Variants in IL2RB observed in about 807,000 individuals in gnomAD.
The protein encoded by IL2RB is interleukin 2 receptor subunit beta.
A neutral mutation model predicts 44.2 loss-of-function variants in IL2RB; 17 were observed. The ratio of observed to expected loss-of-function variants is 0.38; its 90% CI spans 0.26 to 0.58. The LOEUF (loss-of-function observed/expected upper bound fraction) is 0.58, where lower values mean the gene tolerates loss of function less well. IL2RB is among the 20% of genes least tolerant of loss of function. The probability of loss-of-function intolerance (pLI) is 0.63; values close to 1 mark genes in which losing one functional copy is unlikely to be tolerated. For synonymous variants in IL2RB, 286 were observed against 297.9 expected, an observed-to-expected ratio of 0.96 and a Z score of 0.41; for missense variants, 624 against 685.5, an observed-to-expected ratio of 0.91 and a Z score of 1.00.
chr22:37,139,875 C>A (rs1195446062), intron 4 of IL2RB, among the ~76,000 whole-genome samples: 1 of 152,216 alleles, frequency 6.6e-6, no homozygotes, highest in Non-Finnish European at 1.5e-5. Context: ...GGGACCTGCG[C>A]CAGGTCATGC....
At chr22:37,145,903 C>T (rs990775014) in intron 1 of IL2RB, among the ~76,000 whole-genome samples, 10 of 152,168 alleles carry the variant, frequency 6.6e-5, no homozygotes, top group African/African-American at 2.2e-4. Context: ...CCTTCTCTCT[C>T]TTGAGCCTCT....
chr22:37,160,679 C>CAAAAAAAAAAA (rs10605445), intron 1 of IL2RB, among the ~76,000 whole-genome samples: 6 of 136,004 alleles, frequency 4.4e-5, no homozygotes, highest in African/African-American at 1.5e-4. Context: ...CTGTCTATGC[C>CAAAAAAAAAAA]AAAAAAAAAA....
In IL2RB at chr22:37,128,622, G is replaced by C. The variant is rs149497090; in HGVS notation, c.1130C>G (p.Ala377Gly). 1.7e-4 allele frequency: 278 copies of C among 1,614,096 alleles called. No individual in the cohort carries two copies. The highest frequency in any genetic ancestry group is 3.6e-4 in the South Asian group (33 of 91,084). Reference sequence around the variant, plus strand: ...GTCGTAAGTAAAGTACACCTGGCAGGCCTCTATCTCCAAGGCATCCGGGAG... The same window carrying C: ...GTCGTAAGTAAAGTACACCTGGCAGCCCTCTATCTCCAAGGCATCCGGGAG... ...FHLPDALEIE[A>G]CQVYFTYDPY... Residue 377 changes from alanine to glycine, a missense_variant, in exon 10 of 10, where the codon GCC becomes GGC. Ala to Gly is a moderately conservative substitution (Grantham distance 60). Around this residue, in one of 3 missense-constraint regions of IL2RB, gnomAD observed 291 missense variants for 275.5 expected, o/e 1.06. Transcript: ENST00000216223. This position sits in a 1 kb window ranked among gnomAD's most constrained non-coding sequence, Gnocchi z 4.5.
chr22:37,144,609 G>A (rs569494563), intron 1 of IL2RB, among the ~76,000 whole-genome samples: 41 of 152,298 alleles, frequency 2.7e-4, no homozygotes, highest in Admixed American at 1.2e-3. Flanking sequence ...GCCGGGCAAG[G>A]TGGTGGGTGC....
intron 1 of IL2RB, among the ~76,000 whole-genome samples, chr22:37,159,379 G>A (rs553701575): frequency 6.6e-6 from 1 of 152,198 alleles, no homozygotes; most frequent in East Asian, 1.9e-4. Context: ...TCTCACTCAA[G>A]AGTGACGATG....
intron 1 of IL2RB, 127 bp from the exon 2 acceptor site, chr22:37,144,332 G>A (rs1922125458): frequency 8.3e-7 from 1 of 1,209,902 alleles, no homozygotes; most frequent in African/African-American, 1.5e-5. Context: ...GCTCAGTCCA[G>A]CCCCAGGGCC....
intron 1 of IL2RB, among the ~76,000 whole-genome samples, chr22:37,170,083 A>T (rs2899281): frequency 0.095 from 11,808 of 123,904 alleles, 570 homozygotes; most frequent in Non-Finnish European, 0.11. Context: ...GGGAGAAGGA[A>T]GGAAGAATGG....
At chr22:37,149,990 TGGGGTGGAGAGGC>T (rs890035663), upstream of IL2RB, 6 of 867,624 alleles carry the variant, frequency 6.9e-6, no homozygotes, top group Non-Finnish European at 8.3e-6. Flanking sequence ...GGGCAAGGCC[TGGGGTGGAGAGGC>T]GGGGAGACGA....
At chr22:37,142,860 T>C in intron 3 of IL2RB, 1 of 398,212 alleles carries the variant, frequency 2.5e-6, no homozygotes, top group South Asian at 2.1e-5. Flanking sequence ...TTCAGAGCCG[T>C]GTGGAATCAC....
chr22:37,140,182 G>A lies in IL2RB; in HGVS notation c.283-960C>T, dbSNP rs554502154. ...CTATGGGCAAACCTTAAACCTGATC[G>A]TTGGAATTCCCCAAACTGGCCAGTT... is the stretch of plus-strand genomic sequence containing the variant. On this transcript the variant is annotated intron_variant, in intron 4 of 9. Transcript: ENST00000216223. 1.9e-3 allele frequency among the ~76,000 whole-genome samples: 291 copies of A among 152,146 alleles called. 2 individuals carry two copies. Among genetic ancestry groups the A allele is most frequent in the African/African-American group, 6.1e-3 (252 of 41,512 alleles).
rs770262548 is a variant in IL2RB at position 37,128,333 on chromosome 22, C to T, written c.1419G>A (p.Gly473=). The change falls in exon 10 of 10, where the codon GGG becomes GGA. Residue 473 remains glycine (G), a synonymous_variant. Transcript: ENST00000216223. The surrounding 1 kb of genome is among the most constrained non-coding windows in gnomAD (Gnocchi z 4.5). ...VPRDWDPQPL[G]PPTPGVPDLV... The stretch of plus-strand genomic sequence containing the variant: ...GGTCTGGGACTCCTGGGGTGGGAGG[C>T]CCCAGGGGCTGGGGGTCCCAGTCTC... 1 of 1,502,270 alleles carries T rather than the reference C, an allele frequency of 6.7e-7. No homozygotes were observed. Among genetic ancestry groups the T allele is most frequent in the Non-Finnish European group, 8.9e-7 (1 of 1,126,438 alleles). 93.1% of individuals were successfully genotyped at this position (1,502,270 alleles called of 1,614,324 possible). A position where few individuals can be genotyped will look rare whatever the true frequency, so the allele number is the denominator to read the frequency against.
Position 37,132,419 on chromosome 22 carries a change from A to T in IL2RB, c.868T>A (p.Ser290Thr). 6.2e-7 allele frequency: 1 copy of T among 1,613,970 alleles called. No individual in the cohort carries two copies. The highest frequency in any genetic ancestry group is 8.5e-7 in the Non-Finnish European group (1 of 1,179,932). ...CCTCCATGCTCTGAGCTCAGCTGGG[A>T]AAAGAACTTCGAGGGGTCTGGGGTG... ...CNTPDPSKFF[S>T]QLSSEHGGDV... Residue 290 changes from serine (S) to threonine (T), a missense_variant, in exon 9 of 10, where the codon TCC becomes ACC. Physicochemically the swap from Ser to Thr is moderately conservative, Grantham distance 58. Transcript: ENST00000216223.
intron 2 of IL2RB, 41 bp downstream of exon 2, chr22:37,144,044 C>T (rs1341806695): frequency 6.4e-7 from 1 of 1,551,384 alleles, no homozygotes; most frequent in South Asian, 1.2e-5. Flanking sequence ...AGCCATCTCT[C>T]CATAGGGAAA....
intron 1 of IL2RB, among the ~76,000 whole-genome samples, chr22:37,155,502 A>G (rs1055075269): frequency 6.6e-6 from 1 of 151,612 alleles, no homozygotes; most frequent in Non-Finnish European, 1.5e-5. Context: ...GTGCTTTCTC[A>G]CTCTGTCAGG....
chr22:37,136,256 C>T lies in IL2RB; in HGVS notation c.675G>A (p.Gln225=), dbSNP rs901417384. The T allele has an allele frequency of 3.7e-6, 6 of 1,612,082 alleles. No individual in the cohort carries two copies. In the East Asian group the frequency reaches 1.1e-4, roughly 30 times the overall value. The part of the protein sequence containing the change: ...GEFTTWSPWS[Q]PLAFRTKPAA... ...CAGGCTTTGTCCTGAAGGCCAGGGG[C>T]TGGCTCCAGGGGCTCCAGGTCGTGA... The change falls in exon 7 of 10, where the codon CAG becomes CAA. Residue 225 remains glutamine, a synonymous_variant. Coordinates refer to ENST00000216223, the MANE Select transcript of IL2RB (RefSeq NM_000878.5).
chr22:37,128,931 A>ACTC lies in IL2RB; in HGVS notation c.904-86_904-84dup. 2.1e-6 allele frequency: 3 copies of ACTC among 1,450,664 alleles called. No individual in the cohort carries two copies. Among genetic ancestry groups the ACTC allele is most frequent in the African/African-American group, 1.4e-5 (1 of 70,604 alleles). 89.9% of individuals were successfully genotyped at this position (1,450,664 alleles called of 1,614,324 possible). A position where few individuals can be genotyped will look rare whatever the true frequency, so the allele number is the denominator to read the frequency against. On this transcript the variant is annotated intron_variant, in intron 9 of 9. Transcript: ENST00000216223. The surrounding 1 kb of genome is among the most constrained non-coding windows in gnomAD (Gnocchi z 4.5). The stretch of plus-strand genomic sequence containing the variant: ...TCCTCTGGACTCTCAACAGCTCCTA[A>ACTC]CTCCTCCTCCTCCTGAAGCAGTTGG...
chr22:37,157,088 G>A lies in IL2RB; in HGVS notation c.-33-12883C>T, dbSNP rs560693208. ...TACATAATTTGGTGTCTGACCCTCCGCCCAGTCCCCATCAGACTGTGGGGT... is the reference window on the plus strand; with the variant it reads ...TACATAATTTGGTGTCTGACCCTCCACCCAGTCCCCATCAGACTGTGGGGT... On this transcript the variant is annotated intron_variant, in intron 1 of 5. Transcript: ENST00000429622. 4.9e-5 allele frequency among the ~76,000 whole-genome samples: 7 copies of A among 142,378 alleles called. No individual in the cohort carries two copies. In the East Asian group the frequency reaches 1.2e-3, roughly 24 times the overall value. 93.4% of individuals were successfully genotyped at this position (142,378 alleles called of 152,430 possible). A position where few individuals can be genotyped will look rare whatever the true frequency, so the allele number is the denominator to read the frequency against.
intron 8 of IL2RB, among the ~76,000 whole-genome samples, chr22:37,135,042 ACCTC>A (rs1237503625): frequency 1.3e-5 from 2 of 151,788 alleles, no homozygotes; most frequent in Non-Finnish European, 2.9e-5. Flanking sequence ...GGAGGGCTGC[ACCTC>A]CCACCTTCCC....
At position 37,127,861 on chromosome 22, in the gene IL2RB, C is replaced by A; in HGVS notation, c.*235G>T. 2.6e-6 allele frequency: 1 copy of A among 387,182 alleles called. No homozygotes were observed. The highest frequency in any genetic ancestry group is 4.6e-6 in the Non-Finnish European group (1 of 218,266). 24.0% of individuals were successfully genotyped at this position (387,182 alleles called of 1,614,324 possible). On this transcript the variant is annotated 3_prime_UTR_variant, in exon 10 of 10. Coordinates refer to ENST00000216223, the MANE Select transcript of IL2RB (RefSeq NM_000878.5). ...TAACGAGGGAGTTGGGGAGTTACTG[C>A]CCCCCTGCAACACACACAGTTCCTG...
Sources: allele counts gnomAD v4.1 joint callset (sites outside exome capture counted in the v4.1 genomes callset), GRCh38; gene constraint gnomAD v4.1.1; regional missense constraint gnomAD v4.1.1; non-coding constraint Gnocchi (gnomAD v3.1); transcripts MANE v1.5; gene names NCBI Gene and HGNC (gene_info 2026-07-23, HGNC 2026-07-21).